WDFY3: variants seen among roughly 807,000 people sequenced by gnomAD.
The protein encoded by WDFY3 is WD repeat and FYVE domain containing 3, also known as WD repeat and FYVE domain-containing protein 3.
In WDFY3, 66 loss-of-function variants were observed where a neutral mutation model predicts 409.6. The ratio of observed to expected loss-of-function variants is 0.16; its 90% confidence interval spans 0.13 to 0.20. The LOEUF is 0.20. Among genes scored for constraint, WDFY3 ranks in the 10% least tolerant of loss-of-function variants. The pLI is 1.00. For missense variants in WDFY3, 3,031 were observed against 4,298.1 expected, an observed-to-expected ratio of 0.71 and a Z score of 8.24; for synonymous variants, 1,521 against 1,537.1, an observed-to-expected ratio of 0.99 and a Z score of 0.25.
At chr4:84,807,926 C>T (rs532711122) in intron 15 of WDFY3, among the ~76,000 whole-genome samples, 19 of 150,052 alleles carry the variant, frequency 1.3e-4, no homozygotes, top group Non-Finnish European at 1.0e-4. Flanking sequence ...CAGTAAAAAC[C>T]AACAAATGAT....
chr4:84,819,405 G>A (rs1753755478), intron 12 of WDFY3, among the ~76,000 whole-genome samples: 1 of 151,888 alleles, frequency 6.6e-6, no homozygotes. Flanking sequence ...TCCTTACCAT[G>A]GCCTAAAAAG....
intron 30 of WDFY3, among the ~76,000 whole-genome samples, chr4:84,771,776 A>G (rs1450312889): frequency 6.6e-6 from 1 of 152,222 alleles, no homozygotes; most frequent in Non-Finnish European, 1.5e-5. Context: ...AGTGTTATTC[A>G]TTGATCTGAT....
intron 4 of WDFY3, among the ~76,000 whole-genome samples, chr4:84,855,436 T>A (rs1759627555): frequency 1.3e-5 from 2 of 152,198 alleles, no homozygotes; most frequent in Non-Finnish European, 2.9e-5. Flanking sequence ...TAAATAGATT[T>A]CAGAAGATTT....
chr4:84,734,687 C>T (rs533546233), intron 43 of WDFY3, among the ~76,000 whole-genome samples: 2 of 152,176 alleles, frequency 1.3e-5, no homozygotes, highest in Admixed American at 6.5e-5. Flanking sequence ...GACTTGGATG[C>T]GTATTTTCAC....
intron 34 of WDFY3, 150 bp from the exon 35 acceptor site, chr4:84,754,026 G>A: frequency 1.2e-6 from 1 of 805,074 alleles, no homozygotes; most frequent in Non-Finnish European, 1.7e-6. Flanking sequence ...AAACACACAT[G>A]TATACACACA....
At chr4:84,889,128 T>C (rs955020789) in intron 3 of WDFY3, among the ~76,000 whole-genome samples, 5 of 152,214 alleles carry the variant, frequency 3.3e-5, no homozygotes, top group African/African-American at 1.2e-4. Flanking sequence ...TCTTGTCTGA[T>C]TGGCCTGATT....
intron 51 of WDFY3, among the ~76,000 whole-genome samples, chr4:84,712,778 T>C (rs1733153581): frequency 6.6e-6 from 1 of 152,114 alleles, no homozygotes; most frequent in South Asian, 2.1e-4. Context: ...TTACATGATG[T>C]TTTATATATG....
intron 15 of WDFY3, among the ~76,000 whole-genome samples, chr4:84,806,892 G>C (rs762519201): frequency 6.6e-6 from 1 of 152,050 alleles, no homozygotes; most frequent in Non-Finnish European, 1.5e-5. Context: ...TTACAGGTGC[G>C]AGCCACCGCA....
At chr4:84,789,160 GTT>G (rs1181874996) in intron 22 of WDFY3, among the ~76,000 whole-genome samples, 1 of 152,138 alleles carries the variant, frequency 6.6e-6, no homozygotes, top group Non-Finnish European at 1.5e-5. Context: ...GAAAAAGGGA[GTT>G]TCACTTGTTT....
intron 32 of WDFY3, among the ~76,000 whole-genome samples, chr4:84,763,450 T>A (rs1743062647): frequency 6.6e-6 from 1 of 152,020 alleles, no homozygotes; most frequent in African/African-American, 2.4e-5. Context: ...AAAACCTAGA[T>A]GACGGGCTGA....
intron 44 of WDFY3, 112 bp from the exon 45 acceptor site, chr4:84,727,023 A>G (rs1298689647): frequency 1.2e-6 from 1 of 866,292 alleles, no homozygotes; most frequent in Non-Finnish European, 1.8e-6. Context: ...TAGTTACTCA[A>G]ACAAAATTAA....
In WDFY3 at chr4:84,751,573, G is replaced by C. The variant is rs375780380; in HGVS notation, c.5883C>G (p.Phe1961Leu). 2.5e-6 allele frequency: 4 copies of C among 1,613,990 alleles called. No homozygotes were observed. The highest frequency in any genetic ancestry group is 3.4e-6 in the Non-Finnish European group (4 of 1,180,028). ...TYLTNHPAKK[F>L]VFDFMRVLII... Reference sequence around the variant, plus strand: ...TTAAGACCCGCATGAAGTCAAAAACGAACTTTTTAGCCGGGTGATTGGTCA... The same window carrying C: ...TTAAGACCCGCATGAAGTCAAAAACCAACTTTTTAGCCGGGTGATTGGTCA... Residue 1961 changes from phenylalanine to leucine, a missense_variant, in exon 36 of 68, where the codon TTC (phenylalanine) becomes TTG (leucine). Coordinates refer to ENST00000295888, the MANE Select transcript of WDFY3 (RefSeq NM_014991.6).
At chr4:84,897,637 G>T (rs895430097) in intron 2 of WDFY3, among the ~76,000 whole-genome samples, 1 of 152,084 alleles carries the variant, frequency 6.6e-6, no homozygotes, top group Admixed American at 6.6e-5. Context: ...GCCCGCCTCG[G>T]TCTCCCAAAG....
At position 84,717,013 on chromosome 4, in the gene WDFY3, C is replaced by A. The variant is rs762920706; in HGVS notation, c.7758G>T (p.Met2586Ile). 6.3e-7 allele frequency: 1 copy of A among 1,589,608 alleles called. No homozygotes were observed. Among genetic ancestry groups the A allele is most frequent in the Non-Finnish European group, 8.6e-7 (1 of 1,169,106 alleles). The change falls in exon 49 of 68, where the codon ATG becomes ATT. Residue 2586 changes from methionine (M) to isoleucine (I), a missense_variant. Met to Ile is a conservative substitution (Grantham distance 10, BLOSUM62 1). Around this residue, in one of 16 missense-constraint regions of WDFY3, gnomAD observed 40 missense variants for 54.2 expected, o/e 0.74. Coordinates refer to ENST00000295888, the MANE Select transcript of WDFY3 (RefSeq NM_014991.6). ...IRDIETLPPN[M>I]HEPIIPRGAR... ...CTCCTCTAGGAATAATAGGCTCATG[C>A]ATACTACAGGCAGCCAAGAGAAAAA...
chr4:84,749,958 T>G (rs949717298), intron 36 of WDFY3, among the ~76,000 whole-genome samples: 1 of 152,222 alleles, frequency 6.6e-6, no homozygotes, highest in Non-Finnish European at 1.5e-5. Context: ...AAAGGGCAAT[T>G]ATACAATTTA....
chr4:84,691,164 G>A (rs1729198944), intron 60 of WDFY3, among the ~76,000 whole-genome samples: 1 of 152,306 alleles, frequency 6.6e-6, no homozygotes, highest in African/African-American at 2.4e-5. Flanking sequence ...ACTATGGATT[G>A]TCTCTCCAAG....
intron 21 of WDFY3, among the ~76,000 whole-genome samples, chr4:84,790,174 A>AC (rs1292555044): frequency 1.3e-5 from 2 of 151,826 alleles, no homozygotes; most frequent in Non-Finnish European, 2.9e-5. Context: ...ACATGGTGAA[A>AC]CCCCATCTCT....
intron 2 of WDFY3, among the ~76,000 whole-genome samples, chr4:84,909,395 T>C (rs944344350): frequency 6.6e-6 from 1 of 151,956 alleles, no homozygotes; most frequent in Non-Finnish European, 1.5e-5. Context: ...GTTAAAGTAT[T>C]GTAATAAAAA....
At chr4:84,734,931 G>A (rs1737187703) in intron 43 of WDFY3, 112 bp downstream of exon 43, 19 of 814,144 alleles carry the variant, frequency 2.3e-5, no homozygotes, top group African/African-American at 3.6e-5. Flanking sequence ...ATCTGATGAC[G>A]AATGCAGTCC....
Sources: gnomAD v4.1 joint callset for allele counts (sites outside exome capture counted in the v4.1 genomes callset) on GRCh38, gnomAD v4.1.1 for gene constraint, gnomAD v4.1.1 regional missense constraint, MANE v1.5 for transcripts, NCBI Gene and HGNC (gene_info 2026-07-23, HGNC 2026-07-21) for gene names.